The following IL1RAPL2 variants were observed in gnomAD, a reference collection of about 807,000 sequenced individuals.
IL1RAPL2 encodes the protein interleukin 1 receptor accessory protein like 2.
Under a neutral mutation model 44.1 loss-of-function variants are expected in IL1RAPL2, and 3 were observed. The ratio of observed to expected loss-of-function variants is 0.07; its 90% CI spans 0.03 to 0.18. IL1RAPL2 has a LOEUF of 0.18. IL1RAPL2 is among the 10% of genes least tolerant of loss of function. The probability of loss-of-function intolerance (pLI) is 1.00; values close to 1 mark genes in which losing one functional copy is unlikely to be tolerated. For synonymous variants in IL1RAPL2, 181 were observed against 178.8 expected (o/e 1.01, Z -0.10); for missense variants, 391 against 496.4 (o/e 0.79, Z 2.02).
intron 2 of IL1RAPL2, among the ~76,000 whole-genome samples, chrX:104,824,397 A>G (rs1312479496): frequency 1.8e-5 from 2 of 111,855 alleles, no homozygotes; most frequent in Admixed American, 9.5e-5. Context: ...TATGATGCTG[A>G]CCTCATAAAA....
chrX:105,435,593 A>G (rs1041340037), intron 5 of IL1RAPL2, among the ~76,000 whole-genome samples: 4 of 111,846 alleles, frequency 3.6e-5, no homozygotes, highest in African/African-American at 9.8e-5. Flanking sequence ...ACATGCACAC[A>G]TATGTTTACT....
rs782426290 is a variant in IL1RAPL2 at position 105,236,193 on chromosome X, T to G, written c.543+2189T>G. Among the ~76,000 whole-genome samples, 62 of 112,124 alleles carry G rather than the reference T, an allele frequency of 5.5e-4. 1 individual carries two copies. Among genetic ancestry groups the G allele is most frequent in the Non-Finnish European group, 6.4e-4 (34 of 53,256 alleles). On this transcript the variant is annotated intron_variant, in intron 4 of 10. Coordinates refer to ENST00000372582, the MANE Select transcript of IL1RAPL2 (RefSeq NM_017416.2). ...AGTAATTCTACTATCTCATCTTACT[T>G]TCTGCTAACTTCTTTCTTCTCCTTT...
At chrX:105,110,251 A>C (rs1364785562) in intron 2 of IL1RAPL2, among the ~76,000 whole-genome samples, 3 of 112,213 alleles carry the variant, frequency 2.7e-5, no homozygotes, top group African/African-American at 9.7e-5. Context: ...AGTTTCTGTT[A>C]GTAAGGAAGA....
At chrX:104,907,795 G>C (rs1970437244) in intron 2 of IL1RAPL2, among the ~76,000 whole-genome samples, 1 of 110,966 alleles carries the variant, frequency 9.0e-6, no homozygotes, top group African/African-American at 3.3e-5. Flanking sequence ...TTGGGGTGGA[G>C]AGTTCTGTAG....
intron 2 of IL1RAPL2, among the ~76,000 whole-genome samples, chrX:104,755,606 C>G (rs1171924501): frequency 2.7e-5 from 3 of 110,798 alleles, no homozygotes; most frequent in Non-Finnish European, 5.7e-5. Flanking sequence ...ATGAATGACA[C>G]AAATAACAGA....
chrX:104,847,474 G>C (rs1199323619), intron 2 of IL1RAPL2, among the ~76,000 whole-genome samples: 4 of 111,163 alleles, frequency 3.6e-5, no homozygotes, highest in Admixed American at 9.6e-5. Context: ...TCTTGTTTTT[G>C]TCAGGTTTGT....
intron 2 of IL1RAPL2, among the ~76,000 whole-genome samples, chrX:105,130,194 T>C (rs951857147): frequency 9.0e-6 from 1 of 111,374 alleles, no homozygotes; most frequent in Non-Finnish European, 1.9e-5. Context: ...AAAAAATCCA[T>C]GTTCTTAACC....
chrX:105,073,568 G>C (rs2032242477), intron 2 of IL1RAPL2, among the ~76,000 whole-genome samples: 1 of 110,938 alleles, frequency 9.0e-6, no homozygotes, highest in African/African-American at 3.3e-5. Context: ...CCTGTAATGG[G>C]CTGGCTGTGT....
intron 2 of IL1RAPL2, among the ~76,000 whole-genome samples, chrX:104,677,801 C>T (rs942321050): frequency 2.5e-4 from 28 of 111,988 alleles, no homozygotes; most frequent in African/African-American, 6.8e-4. Context: ...TCTCGTGGTG[C>T]GCCGTTTTTT....
At chrX:105,447,330 TA>T (rs1312185605) in intron 5 of IL1RAPL2, among the ~76,000 whole-genome samples, 6 of 61,878 alleles carry the variant, frequency 9.7e-5, no homozygotes, top group Admixed American at 3.1e-4. Flanking sequence ...TAAATATATA[TA>T]AAAATATAAA....
chrX:104,911,638 C>A (rs1924240457), intron 2 of IL1RAPL2, among the ~76,000 whole-genome samples: 1 of 111,722 alleles, frequency 9.0e-6, no homozygotes, highest in African/African-American at 3.3e-5. Flanking sequence ...AAATGTAAAT[C>A]AGATGATGTC....
intron 2 of IL1RAPL2, among the ~76,000 whole-genome samples, chrX:105,033,549 G>C (rs1176649475): frequency 9.0e-6 from 1 of 111,527 alleles, no homozygotes; most frequent in Non-Finnish European, 1.9e-5. Context: ...TTGAATATTG[G>C]CCCCCACTCT....
rs189999129 is a variant in IL1RAPL2 at position 105,138,307 on chromosome X, G to C, written c.83-57168G>C. ...TTGCTTGAACAAATTTGTTTCAAATGCTGCCTTACAGGAATTAAGGCATTC... is the reference window on the plus strand; with the variant it reads ...TTGCTTGAACAAATTTGTTTCAAATCCTGCCTTACAGGAATTAAGGCATTC... On this transcript the variant is annotated intron_variant, in intron 2 of 10. Coordinates refer to ENST00000372582, the MANE Select transcript of IL1RAPL2 (RefSeq NM_017416.2). Among the ~76,000 whole-genome samples, 5 of 110,496 alleles carry C rather than the reference G, an allele frequency of 4.5e-5. No homozygotes were observed. In the East Asian group the frequency reaches 1.4e-3, roughly 32 times the overall value.
At chrX:104,805,767 T>C (rs1932918402) in intron 2 of IL1RAPL2, among the ~76,000 whole-genome samples, 2 of 112,011 alleles carry the variant, frequency 1.8e-5, no homozygotes, top group Non-Finnish European at 3.8e-5. Flanking sequence ...AGAACATGAA[T>C]TATGTCCTTC....
intron 6 of IL1RAPL2, among the ~76,000 whole-genome samples, chrX:105,693,652 C>T: frequency 9.0e-6 from 1 of 111,609 alleles, no homozygotes; most frequent in Non-Finnish European, 1.9e-5. Context: ...CAGACTAACA[C>T]AGACCTTGAG....
chrX:105,307,162 C>A (rs2034745008), intron 5 of IL1RAPL2, among the ~76,000 whole-genome samples: 1 of 108,103 alleles, frequency 9.3e-6, no homozygotes, highest in Admixed American at 1.0e-4. Flanking sequence ...ATAATCCAAT[C>A]ACTTCCCTCC....
At chrX:104,593,495 G>T (rs374495567) in intron 1 of IL1RAPL2, among the ~76,000 whole-genome samples, 2 of 111,886 alleles carry the variant, frequency 1.8e-5, no homozygotes, top group African/African-American at 6.5e-5. Context: ...GTAAAACTGA[G>T]TAACTAAAAC....
At chrX:104,636,525 C>T (rs185969719) in intron 1 of IL1RAPL2, among the ~76,000 whole-genome samples, 1 of 112,437 alleles carries the variant, frequency 8.9e-6, no homozygotes, top group African/African-American at 3.2e-5. Context: ...TGTTTGCCTA[C>T]TCAAGCCTTG....
intron 5 of IL1RAPL2, among the ~76,000 whole-genome samples, chrX:105,375,483 C>A (rs1294261472): frequency 8.9e-6 from 1 of 111,913 alleles, no homozygotes; most frequent in Non-Finnish European, 1.9e-5. Flanking sequence ...TGCACTCCAG[C>A]ATGGGCGACA....
Sources: gnomAD v4.1 joint callset for allele counts (sites outside exome capture counted in the v4.1 genomes callset) on GRCh38, gnomAD v4.1.1 for gene constraint, MANE v1.5 for transcripts, NCBI Gene and HGNC (gene_info 2026-07-23, HGNC 2026-07-21) for gene names.